The following TRPM3 variants were observed in gnomAD, a reference collection of about 807,000 sequenced individuals.
TRPM3 encodes the protein long transient receptor potential channel 3.
A neutral mutation model predicts 181.2 loss-of-function variants in TRPM3; 77 were observed. The ratio of observed to expected loss-of-function variants is 0.42; its 90% CI spans 0.35 to 0.51. The LOEUF is 0.51. Among genes scored for constraint, TRPM3 ranks in the 20% least tolerant of loss-of-function variants. The pLI is 0.01. For missense variants in TRPM3, 1,759 were observed against 2,196.7 expected (o/e 0.80, Z 3.98); for synonymous variants, 745 against 796.4 (o/e 0.94, Z 1.09).
intron 11 of TRPM3, among the ~76,000 whole-genome samples, chr9:70,637,090 T>G (rs2057338360): frequency 6.6e-6 from 1 of 152,160 alleles, no homozygotes; most frequent in South Asian, 2.1e-4. Flanking sequence ...CTTTTTCCAC[T>G]GAGGGGATGC....
chr9:71,059,257 C>T (rs116880661), intron 1 of TRPM3, among the ~76,000 whole-genome samples: 2 of 151,906 alleles, frequency 1.3e-5, no homozygotes, highest in Non-Finnish European at 2.9e-5. Flanking sequence ...CAGGCTCCCT[C>T]TGCCTGAACT....
chr9:70,553,348 C>T (rs760288633), intron 22 of TRPM3, 38 bp from the exon 23 acceptor site: 2 of 1,600,818 alleles, frequency 1.2e-6, no homozygotes, highest in Non-Finnish European at 8.5e-7. Flanking sequence ...GAGAAACTGG[C>T]TATTTGAGTT....
chr9:71,130,397 C>T (rs1404316306), intron 1 of TRPM3, among the ~76,000 whole-genome samples: 3 of 152,044 alleles, frequency 2.0e-5, no homozygotes, highest in Non-Finnish European at 4.4e-5. Context: ...AAAAGATGCA[C>T]GTGGCCAGAA....
At chr9:71,278,451 A>C (rs1406900062) in intron 1 of TRPM3, among the ~76,000 whole-genome samples, 1 of 152,248 alleles carries the variant, frequency 6.6e-6, no homozygotes, top group East Asian at 1.9e-4. Context: ...AAAAGATACC[A>C]AATCAGATAA....
At position 70,625,069 on chromosome 9, in the gene TRPM3, T is replaced by C; in HGVS notation, c.1809+122A>G. The C allele has an allele frequency of 9.8e-7, 1 of 1,024,910 alleles. No individual in the cohort carries two copies. The highest frequency in any genetic ancestry group is 2.0e-5 in the South Asian group (1 of 51,142). The allele number at this position is 1,024,910 out of a possible 1,614,324, so 63.5% of individuals were successfully genotyped here. On this transcript the variant is annotated intron_variant, in intron 14 of 25. Transcript: ENST00000677713. This position sits in a 1 kb window ranked among gnomAD's most constrained non-coding sequence, Gnocchi z 4.8. ...AATTTCATTACTTTTCTTTGATTGT[T>C]TAGGTTCACTCTCAGCGCAATTTTC... is the stretch of plus-strand genomic sequence containing the variant.
chr9:70,979,853 C>T (rs1202276873), intron 1 of TRPM3, among the ~76,000 whole-genome samples: 2 of 152,138 alleles, frequency 1.3e-5, no homozygotes, highest in Non-Finnish European at 2.9e-5. Flanking sequence ...GCCACCTTCT[C>T]ACTGTGTCCT....
rs181673570 is a variant in TRPM3, at chr9:70,769,735, T to C, written c.1149-8011A>G. On this transcript the variant is annotated intron_variant, in intron 7 of 25. Coordinates refer to ENST00000677713, the MANE Select transcript of TRPM3 (RefSeq NM_001366145.2). The stretch of plus-strand genomic sequence containing the variant: ...CTTGATATATATTTCTATGATTATT[T>C]TATTGCATGGAAATTATTTGTTTGT... 3.5e-3 allele frequency among the ~76,000 whole-genome samples: 526 copies of C among 152,174 alleles called. 6 individuals carry two copies. In the South Asian group the frequency reaches 0.039, roughly 11 times the overall value.
At chr9:70,902,553 T>C (rs1331607818) in intron 1 of TRPM3, among the ~76,000 whole-genome samples, 1 of 152,246 alleles carries the variant, frequency 6.6e-6, no homozygotes, top group African/African-American at 2.4e-5. Context: ...GTTTGGTTTT[T>C]CTTCCAATTG....
At chr9:70,882,077 AAG>A (rs2096004250) in intron 1 of TRPM3, among the ~76,000 whole-genome samples, 1 of 152,204 alleles carries the variant, frequency 6.6e-6, no homozygotes, top group Non-Finnish European at 1.5e-5. Flanking sequence ...CCAAAAGACT[AAG>A]AGTCAACTCA....
Position 70,535,127 on chromosome 9 carries a change from ATTAT to A in TRPM3, c.*822_*825del. The A allele has an allele frequency of 4.0e-6, 1 of 251,262 alleles. No homozygotes were observed. 15.6% of individuals were successfully genotyped at this position (251,262 alleles called of 1,614,324 possible). On this transcript the variant is annotated 3_prime_UTR_variant, in exon 26 of 26. Transcript: ENST00000677713. ...TACAAAATAAATTAAAAAATATAAA[ATTAT>A]TTAATTACATTCTCCTGAGCTTGCT...
At position 71,059,011 on chromosome 9, in the gene TRPM3, A is replaced by ATTTTTTTTTTTTTT. The variant is rs1162577364; in HGVS notation, c.177+62153_177+62166dup. Among the ~76,000 whole-genome samples the ATTTTTTTTTTTTTT allele has an allele frequency of 6.3e-4, 33 of 52,640 alleles. 7 individuals are homozygous for ATTTTTTTTTTTTTT. Among genetic ancestry groups the ATTTTTTTTTTTTTT allele is most frequent in the Non-Finnish European group, 7.9e-4 (25 of 31,714 alleles). The allele number at this position is 52,640 out of a possible 152,430, so 34.5% of individuals were successfully genotyped here. A position where few individuals can be genotyped will look rare whatever the true frequency, so the allele number is the denominator to read the frequency against. On this transcript the variant is annotated intron_variant, in intron 1 of 25. Coordinates refer to ENST00000677713, the MANE Select transcript of TRPM3 (RefSeq NM_001366145.2). ...ATTTCTCTGAAGTTTTTGTTTGTTC[A>ATTTTTTTTTTTTTT]TTTTTTTTTTTTTTTTTTTTTTTTT...
In TRPM3 at chr9:70,824,186, C is replaced by G. The variant is rs149523978; in HGVS notation, c.973+3661G>C. Among the ~76,000 whole-genome samples, 896 of 152,194 alleles carry G rather than the reference C, an allele frequency of 5.9e-3. 3 individuals carry two copies. The highest frequency in any genetic ancestry group is 8.8e-3 in the Admixed American group (134 of 15,288). Reference sequence around the variant, plus strand: ...GGATACTACAGTATGCAGGTCACCCCTAAGTGATGAGGGGGAATGGAACTT... The same window carrying G: ...GGATACTACAGTATGCAGGTCACCCGTAAGTGATGAGGGGGAATGGAACTT... On this transcript the variant is annotated intron_variant, in intron 6 of 25. Coordinates refer to ENST00000677713, the MANE Select transcript of TRPM3 (RefSeq NM_001366145.2).
At chr9:70,584,577 A>G (rs1004535632) in intron 22 of TRPM3, among the ~76,000 whole-genome samples, 7 of 152,160 alleles carry the variant, frequency 4.6e-5, no homozygotes, top group Non-Finnish European at 1.0e-4. Flanking sequence ...CCTGGACCTT[A>G]TCATTATTCT....
intron 22 of TRPM3, among the ~76,000 whole-genome samples, chr9:70,554,141 C>T (rs2047109749): frequency 6.6e-6 from 1 of 151,962 alleles, no homozygotes; most frequent in Non-Finnish European, 1.5e-5. Flanking sequence ...GAGTAATGTG[C>T]TAATGAGGCC....
At chr9:70,646,851 A>G (rs1378006498) in intron 9 of TRPM3, among the ~76,000 whole-genome samples, 1 of 145,910 alleles carries the variant, frequency 6.9e-6, no homozygotes, top group East Asian at 2.0e-4. Context: ...CAAAGATGAC[A>G]TTACCACTGA....
intron 7 of TRPM3, among the ~76,000 whole-genome samples, chr9:70,782,468 T>C (rs2082674681): frequency 6.6e-6 from 1 of 152,150 alleles, no homozygotes; most frequent in African/African-American, 2.4e-5. Context: ...CGCCTTGGCC[T>C]CCCAAAGTGC....
At chr9:70,802,468 G>A (rs2089401731) in intron 6 of TRPM3, among the ~76,000 whole-genome samples, 1 of 152,178 alleles carries the variant, frequency 6.6e-6, no homozygotes, top group African/African-American at 2.4e-5. Flanking sequence ...TGGCACGCTG[G>A]ATTTGGCCCA....
At position 70,761,723 on chromosome 9, in the gene TRPM3, G is replaced by A; in HGVS notation, c.1150C>T (p.Leu384=). The change falls in exon 8 of 26, where the codon CTG becomes TTG. Residue 384 remains leucine (L), a splice_region_variant and synonymous_variant. Transcript: ENST00000677713. ...TGGTCCCTCAAAGATTCATTTATCA[G>A]TCTGCAAGTAAAAACAATGTCAAAA... ...FGHKYSEEGG[L]INESLRDQLL... is the part of the protein sequence containing the mutation. The A allele has an allele frequency of 6.2e-7, 1 of 1,607,838 alleles. No individual in the cohort carries two copies. Among genetic ancestry groups the A allele is most frequent in the Non-Finnish European group, 8.5e-7 (1 of 1,175,404 alleles).
At chr9:70,606,432 T>C (rs1253241963) in intron 19 of TRPM3, among the ~76,000 whole-genome samples, 2 of 152,192 alleles carry the variant, frequency 1.3e-5, no homozygotes, top group African/African-American at 4.8e-5. Flanking sequence ...ACAGTTATTC[T>C]ATAATGAACT....
Sources: allele counts gnomAD v4.1 joint callset (sites outside exome capture counted in the v4.1 genomes callset), GRCh38; gene constraint gnomAD v4.1.1; non-coding constraint Gnocchi (gnomAD v3.1); transcripts MANE v1.5; gene names NCBI Gene and HGNC (gene_info 2026-07-23, HGNC 2026-07-21).